The following STK3 variants were observed in gnomAD, a reference collection of about 807,000 sequenced individuals.
STK3 encodes the protein serine/threonine kinase 3, also known as serine/threonine-protein kinase 3.
A neutral mutation model predicts 58.0 loss-of-function variants in STK3; 41 were observed. That is an observed-to-expected ratio of 0.71 (90% CI 0.55 to 0.92). The LOEUF is 0.92. STK3 is among the 40% of genes least tolerant of loss of function. STK3 has a pLI of 0.00. For synonymous variants in STK3, 170 were observed against 191.0 expected (o/e 0.89, Z 0.91); for missense variants, 479 against 602.7 (o/e 0.79, Z 2.15).
At chr8:98,422,671 T>A (rs1338748682) in intron 3 of STK3, among the ~76,000 whole-genome samples, 2 of 152,052 alleles carry the variant, frequency 1.3e-5, no homozygotes, top group African/African-American at 2.4e-5. Flanking sequence ...GCCCTCACAG[T>A]GCTCCCACCG....
chr8:98,622,487 T>C (rs546035302), intron 6 of STK3, among the ~76,000 whole-genome samples: 4 of 152,320 alleles, frequency 2.6e-5, no homozygotes, highest in Non-Finnish European at 4.4e-5. Context: ...TTTAATGATA[T>C]AGCACAACTG....
At chr8:98,765,683 G>GTTT (rs1830900894) in intron 3 of STK3, among the ~76,000 whole-genome samples, 1 of 152,222 alleles carries the variant, frequency 6.6e-6, no homozygotes, top group Non-Finnish European at 1.5e-5. Context: ...GTAGCCATGA[G>GTTT]ATAATAAGCA....
the STK3 span, among the ~76,000 whole-genome samples, chr8:98,355,661 A>G: frequency 6.6e-6 from 1 of 152,108 alleles, no homozygotes; most frequent in South Asian, 2.1e-4. Context: ...CCATAGCTAT[A>G]CTCCCAAGGC....
chr8:98,587,703 A>C (rs1814780848), intron 7 of STK3, among the ~76,000 whole-genome samples: 1 of 151,974 alleles, frequency 6.6e-6, no homozygotes, highest in Admixed American at 6.5e-5. Flanking sequence ...TGGGGTGTTA[A>C]AGTCTCCCAT....
chr8:98,556,473 A>G (rs1469590627), intron 8 of STK3, among the ~76,000 whole-genome samples: 1 of 152,270 alleles, frequency 6.6e-6, no homozygotes, highest in East Asian at 1.9e-4. Flanking sequence ...TAGTCCCCTT[A>G]GAAAGCTGGA....
At chr8:98,406,945 C>T (rs769672564) in intron 3 of STK3, among the ~76,000 whole-genome samples, 69 of 152,172 alleles carry the variant, frequency 4.5e-4, no homozygotes, top group Non-Finnish European at 7.5e-4. Context: ...CAGTCACCCA[C>T]GAGCCAGCCT....
At chr8:98,871,449 T>A (rs143903557) in intron 3 of STK3, among the ~76,000 whole-genome samples, 10,006 of 152,244 alleles carry the variant, frequency 0.066, 499 homozygotes, top group African/African-American at 0.13. Flanking sequence ...GGCCATTTTC[T>A]CGATATTGAT....
intron 3 of STK3, among the ~76,000 whole-genome samples, chr8:98,856,894 T>C (rs1337099041): frequency 3.9e-5 from 6 of 152,204 alleles, no homozygotes; most frequent in African/African-American, 1.4e-4. Context: ...AAAGTACTGA[T>C]ATACTGCCAT....
intron 10 of STK3, among the ~76,000 whole-genome samples, chr8:98,510,829 T>C (rs1824457549): frequency 6.6e-6 from 1 of 152,008 alleles, no homozygotes; most frequent in Non-Finnish European, 1.5e-5. Context: ...ATAGGTAAAA[T>C]AGGATACCCT....
At position 98,755,804 on chromosome 8, in the gene STK3, C is replaced by T. The variant is rs567874296; in HGVS notation, c.237-6414G>A. On this transcript the variant is annotated intron_variant, in intron 3 of 10. Coordinates refer to ENST00000419617, the MANE Select transcript of STK3 (RefSeq NM_006281.4). ...CATAAAGATAGGTACCAATCTGTCT[C>T]GCTTTCCATTTTATCCTCAGTAGCT... 4.1e-4 allele frequency among the ~76,000 whole-genome samples: 63 copies of T among 152,282 alleles called. 1 individual carries two copies. In the South Asian group the frequency reaches 0.012, roughly 28 times the overall value.
chr8:98,791,952 A>G (rs1439280724), intron 1 of STK3, among the ~76,000 whole-genome samples: 1 of 152,222 alleles, frequency 6.6e-6, no homozygotes, highest in African/African-American at 2.4e-5. Context: ...AATAAAAACA[A>G]AGATAAATAG....
intron 3 of STK3, among the ~76,000 whole-genome samples, chr8:98,862,129 T>G (rs1836958720): frequency 6.6e-6 from 1 of 151,958 alleles, no homozygotes; most frequent in Non-Finnish European, 1.5e-5. Context: ...GAAGATGAGA[T>G]CATTAGGAGA....
chr8:98,883,369 A>G (rs1405109011), downstream of STK3: 2 of 324,642 alleles, frequency 6.2e-6, no homozygotes, highest in African/African-American at 2.1e-5. Flanking sequence ...TCCACCATTC[A>G]TCACATTACT....
intron 6 of STK3, among the ~76,000 whole-genome samples, chr8:98,685,614 A>C (rs1164753748): frequency 6.6e-6 from 1 of 152,124 alleles, no homozygotes; most frequent in African/African-American, 2.4e-5. Flanking sequence ...AGAACTCTTA[A>C]CTTTCAAATG....
At chr8:98,498,173 A>C (rs765789297) in intron 10 of STK3, among the ~76,000 whole-genome samples, 2 of 151,976 alleles carry the variant, frequency 1.3e-5, no homozygotes, top group Non-Finnish European at 2.9e-5. Context: ...ATAATGCTGC[A>C]AACTTTTCTG....
intron 1 of STK3, among the ~76,000 whole-genome samples, chr8:98,889,601 A>G (rs976620771): frequency 6.6e-6 from 1 of 152,244 alleles, no homozygotes; most frequent in Non-Finnish European, 1.5e-5. Flanking sequence ...GTTTTAAAAG[A>G]TAAAAATACC....
chr8:98,699,161 T>C (rs1182358636), intron 6 of STK3, among the ~76,000 whole-genome samples: 16 of 152,230 alleles, frequency 1.1e-4, no homozygotes, highest in African/African-American at 3.9e-4. Context: ...CATCGGCTCC[T>C]GAGGCTTCTG....
At chr8:98,503,512 C>T (rs1486080571) in intron 10 of STK3, among the ~76,000 whole-genome samples, 1 of 152,156 alleles carries the variant, frequency 6.6e-6, no homozygotes, top group Non-Finnish European at 1.5e-5. Context: ...GATTTTAGAT[C>T]GTTCCTGCTT....
intron 4 of STK3, among the ~76,000 whole-genome samples, chr8:98,713,008 A>C (rs1242287661): frequency 5.3e-5 from 8 of 152,330 alleles, no homozygotes; most frequent in South Asian, 2.1e-4. Context: ...CTACATGGAA[A>C]CTGAACAACC....
Sources: allele counts gnomAD v4.1 joint callset (sites outside exome capture counted in the v4.1 genomes callset), GRCh38; gene constraint gnomAD v4.1.1; transcripts MANE v1.5; gene names NCBI Gene and HGNC (gene_info 2026-07-23, HGNC 2026-07-21).